Variants in GLRA2 observed in about 807,000 individuals in gnomAD.
GLRA2 encodes the protein glycine receptor subunit alpha-2.
GLRA2 carries 11 observed loss-of-function variants against 31.6 expected under a neutral mutation model. The ratio of observed to expected loss-of-function variants is 0.35; its 90% CI spans 0.22 to 0.58. GLRA2 has a LOEUF of 0.58. Among genes scored for constraint, GLRA2 ranks in the 20% least tolerant of loss-of-function variants. GLRA2 has a pLI of 0.84. For missense variants in GLRA2, 212 were observed against 351.8 expected, an observed-to-expected ratio of 0.60 and a Z score of 3.18; for synonymous variants, 132 against 134.0, an observed-to-expected ratio of 0.99 and a Z score of 0.10.
intron 7 of GLRA2, among the ~76,000 whole-genome samples, chrX:14,650,004 G>C (rs2090872116): frequency 8.9e-6 from 1 of 111,738 alleles, no homozygotes; most frequent in Non-Finnish European, 1.9e-5. Context: ...AGGTAGTATT[G>C]TGTTGCATAC....
At chrX:14,575,161 T>G (rs1276172288) in intron 3 of GLRA2, among the ~76,000 whole-genome samples, 1 of 109,202 alleles carries the variant, frequency 9.2e-6, no homozygotes, top group Non-Finnish European at 1.9e-5. Context: ...ATGTTTCATA[T>G]ATCTGAAAAA....
chrX:14,502,481 G>A, the GLRA2 span, among the ~76,000 whole-genome samples: 1 of 111,388 alleles, frequency 9.0e-6, no homozygotes, highest in East Asian at 2.8e-4. Flanking sequence ...TATTTATTGA[G>A]TATTTACTGT....
chrX:14,458,839 G>A, the GLRA2 span, among the ~76,000 whole-genome samples: 2 of 111,586 alleles, frequency 1.8e-5, no homozygotes, highest in Admixed American at 1.9e-4. Context: ...TCACTCTGAT[G>A]GTAGTTTCTT....
chrX:14,646,102 A>G (rs1040581967), intron 7 of GLRA2, among the ~76,000 whole-genome samples: 1 of 112,210 alleles, frequency 8.9e-6, no homozygotes, highest in Admixed American at 9.4e-5. Flanking sequence ...CTCTTCTAAA[A>G]ACGATTTCTA....
chrX:14,451,302 C>A, the GLRA2 span, among the ~76,000 whole-genome samples: 8 of 110,594 alleles, frequency 7.2e-5, no homozygotes, highest in Non-Finnish European at 1.1e-4. Context: ...CAATATTAAC[C>A]TTGAATGTAA....
intron 2 of GLRA2, among the ~76,000 whole-genome samples, chrX:14,533,496 GA>G (rs948418686): frequency 4.7e-5 from 5 of 105,830 alleles, no homozygotes; most frequent in Non-Finnish European, 7.8e-5. Flanking sequence ...AGAGATAACT[GA>G]ACTACATTCA....
chrX:14,455,727 T>C, the GLRA2 span, among the ~76,000 whole-genome samples: 1 of 111,986 alleles, frequency 8.9e-6, no homozygotes, highest in Non-Finnish European at 1.9e-5. Flanking sequence ...TTACGAATCA[T>C]TTTATCATGA....
chrX:14,711,626 C>T (rs2091710817), intron 8 of GLRA2, among the ~76,000 whole-genome samples: 1 of 112,520 alleles, frequency 8.9e-6, no homozygotes, highest in Non-Finnish European at 1.9e-5. Flanking sequence ...TGAGCATACA[C>T]TATATACCAG....
In GLRA2 at chrX:14,629,316, A is replaced by C. The variant is rs145580549; in HGVS notation, c.930+20111A>C. Among the ~76,000 whole-genome samples the C allele has an allele frequency of 4.9e-3, 551 of 111,862 alleles. 7 individuals carry two copies. The highest frequency in any genetic ancestry group is 0.017 in the African/African-American group (528 of 30,808). ...CCCATAAAGCACTGGGAGCACAAGA[A>C]GCACTGATTTGTAGCTTACTTACCA... On this transcript the variant is annotated intron_variant, in intron 7 of 8. Transcript: ENST00000218075.
At chrX:14,591,026 G>T (rs960383622) in intron 4 of GLRA2, among the ~76,000 whole-genome samples, 1 of 111,581 alleles carries the variant, frequency 9.0e-6, no homozygotes, top group Non-Finnish European at 1.9e-5. Flanking sequence ...GTAGAAATAT[G>T]AAGGTCCAGA....
intron 2 of GLRA2, among the ~76,000 whole-genome samples, chrX:14,565,533 A>G (rs927682387): frequency 9.0e-6 from 1 of 111,131 alleles, no homozygotes; most frequent in African/African-American, 3.3e-5. Context: ...TTTGGTGCAT[A>G]TGTGTTTAGA....
At chrX:14,476,125 G>A in the GLRA2 span, among the ~76,000 whole-genome samples, 1 of 111,807 alleles carries the variant, frequency 8.9e-6, no homozygotes, top group Non-Finnish European at 1.9e-5. Context: ...CTGGACTGAT[G>A]CTGCTTCTCC....
intron 7 of GLRA2, among the ~76,000 whole-genome samples, chrX:14,654,069 G>A (rs887511013): frequency 8.9e-6 from 1 of 111,804 alleles, no homozygotes; most frequent in Non-Finnish European, 1.9e-5. Flanking sequence ...AGGCTGCAGT[G>A]AACTATGATC....
At chrX:14,599,458 C>T (rs2090243552) in intron 4 of GLRA2, among the ~76,000 whole-genome samples, 1 of 112,248 alleles carries the variant, frequency 8.9e-6, no homozygotes, top group South Asian at 3.7e-4. Flanking sequence ...GGTGAAAAGC[C>T]AGAGCAAAGG....
chrX:14,449,268 C>T, the GLRA2 span, among the ~76,000 whole-genome samples: 2 of 112,191 alleles, frequency 1.8e-5, no homozygotes, highest in African/African-American at 3.2e-5. Flanking sequence ...GCTCCTGATC[C>T]TAAGGAAGAG....
intron 7 of GLRA2, among the ~76,000 whole-genome samples, chrX:14,680,204 G>C (rs138728889): frequency 0.012 from 1,307 of 112,161 alleles, 15 homozygotes; most frequent in Non-Finnish European, 0.018. Flanking sequence ...ATACTTTCTA[G>C]AGCACAGCAT....
At chrX:14,674,150 G>A (rs1460668769) in intron 7 of GLRA2, among the ~76,000 whole-genome samples, 3 of 112,129 alleles carry the variant, frequency 2.7e-5, no homozygotes, top group Non-Finnish European at 5.6e-5. Flanking sequence ...TTATAATGGA[G>A]ATAACTCATA....
chrX:14,647,564 A>G (rs1456827439), intron 7 of GLRA2, among the ~76,000 whole-genome samples: 1 of 112,075 alleles, frequency 8.9e-6, no homozygotes, highest in Admixed American at 9.5e-5. Context: ...CTAATAGAGG[A>G]AAACATGCTA....
In GLRA2 at chrX:14,658,014, CATA is replaced by C. The variant is rs747978283; in HGVS notation, c.931-32695_931-32693del. On this transcript the variant is annotated intron_variant, in intron 7 of 8. Transcript: ENST00000218075. ...TCTTCATTACCAGGAAACTGAGTCA[CATA>C]GACATTAGGCAACTTGTCCAAAGTT... 1.5e-3 allele frequency among the ~76,000 whole-genome samples: 167 copies of C among 111,984 alleles called. 1 individual carries two copies. Among genetic ancestry groups the C allele is most frequent in the Middle Eastern group, 4.6e-3 (1 of 219 alleles).
Sources: gnomAD v4.1 joint callset for allele counts (sites outside exome capture counted in the v4.1 genomes callset) on GRCh38, gnomAD v4.1.1 for gene constraint, MANE v1.5 for transcripts, NCBI Gene and HGNC (gene_info 2026-07-23, HGNC 2026-07-21) for gene names.